The following SLCO5A1 variants were observed in gnomAD, a reference collection of about 807,000 sequenced individuals.
SLCO5A1 encodes the protein solute carrier organic anion transporter family member 5A1, also known as organic anion transporter polypeptide-related protein 4.
SLCO5A1 carries 39 observed loss-of-function variants against 65.1 expected under a neutral mutation model. The ratio of observed to expected loss-of-function variants is 0.60; its 90% CI spans 0.46 to 0.78. The LOEUF (loss-of-function observed/expected upper bound fraction) is 0.78. Ranked by LOEUF, SLCO5A1 falls within the 30% of genes least tolerant of loss-of-function variation. SLCO5A1 has a pLI of 0.00. For synonymous variants in SLCO5A1, 438 were observed against 415.7 expected, an observed-to-expected ratio of 1.05 and a Z score of -0.65; for missense variants, 1,029 against 1,069.4, an observed-to-expected ratio of 0.96 and a Z score of 0.53.
rs150121840 is a variant in SLCO5A1 at position 69,804,407 on chromosome 8, G to C, written c.907+27360C>G. Among the ~76,000 whole-genome samples, 58 of 152,150 alleles carry C rather than the reference G, an allele frequency of 3.8e-4. No homozygotes were observed. The East Asian group carries it at 9.8e-3, about 26-fold the overall frequency. On this transcript the variant is annotated intron_variant, in intron 2 of 9. Coordinates refer to ENST00000260126, the MANE Select transcript of SLCO5A1 (RefSeq NM_030958.3). Reference sequence around the variant, plus strand: ...CGGCTCACTGCAACCTCCACCTTCCGAGTTCAAGCAATTCTCCTGCCTCAG... The same window carrying C: ...CGGCTCACTGCAACCTCCACCTTCCCAGTTCAAGCAATTCTCCTGCCTCAG...
At position 69,761,812 on chromosome 8, in the gene SLCO5A1, A is replaced by C; in HGVS notation, c.971T>G (p.Ile324Ser). 6.2e-7 allele frequency: 1 copy of C among 1,614,048 alleles called. No individual in the cohort carries two copies. The change falls in exon 3 of 10, where the codon ATT becomes AGT. Residue 324 changes from isoleucine to serine, a missense_variant. This residue lies in a region of SLCO5A1 where 647 missense variants were observed against 647.5 expected (regional missense o/e 1.00). Coordinates refer to ENST00000260126, the MANE Select transcript of SLCO5A1 (RefSeq NM_030958.3). ...AVGYLLGGLL[I>S]GFYVDPRNPV... ...ATTTCTGGGATCAACATAAAAACCAATAAGAAGTCCACCTAATAAATATCC... is the reference window on the plus strand; with the variant it reads ...ATTTCTGGGATCAACATAAAAACCACTAAGAAGTCCACCTAATAAATATCC...
At chr8:69,763,614 C>CAAAAAAAAAAAA (rs770191440) in intron 2 of SLCO5A1, among the ~76,000 whole-genome samples, 1 of 13,160 alleles carries the variant, frequency 7.6e-5, no homozygotes, top group African/African-American at 2.0e-4. Flanking sequence ...AGCAAGACTC[C>CAAAAAAAAAAAA]AAAAAAAAAA....
At chr8:69,693,687 C>G (rs1243356483) in intron 6 of SLCO5A1, among the ~76,000 whole-genome samples, 1 of 152,100 alleles carries the variant, frequency 6.6e-6, no homozygotes, top group Non-Finnish European at 1.5e-5. Context: ...AGAAAAATAC[C>G]ATTAAATAGT....
intron 4 of SLCO5A1, among the ~76,000 whole-genome samples, chr8:69,740,888 C>T (rs937786209): frequency 7.2e-5 from 11 of 152,138 alleles, no homozygotes; most frequent in African/African-American, 1.2e-4. Context: ...GAGATATAGT[C>T]GGTTTTTATT....
chr8:69,728,254 A>C (rs1816176444), intron 5 of SLCO5A1, among the ~76,000 whole-genome samples: 1 of 152,202 alleles, frequency 6.6e-6, no homozygotes, highest in Admixed American at 6.5e-5. Context: ...TATGTATTTA[A>C]AAAGAAATAA....
intron 4 of SLCO5A1, among the ~76,000 whole-genome samples, chr8:69,740,292 G>T (rs979505733): frequency 6.6e-6 from 1 of 152,178 alleles, no homozygotes; most frequent in African/African-American, 2.4e-5. Flanking sequence ...CCTTTGGTTG[G>T]TGGGACTGGG....
intron 3 of SLCO5A1, 78 bp from the exon 4 acceptor site, chr8:69,755,719 G>A: frequency 2.9e-6 from 4 of 1,356,468 alleles, no homozygotes; most frequent in Non-Finnish European, 4.0e-6. Context: ...GCAGAAGTTT[G>A]TGGTGAAAAA....
At chr8:69,734,271 G>A (rs933446794) in intron 5 of SLCO5A1, among the ~76,000 whole-genome samples, 7 of 152,170 alleles carry the variant, frequency 4.6e-5, no homozygotes, top group Non-Finnish European at 8.8e-5. Context: ...TTTGCCACTA[G>A]AGTAAGCTTT....
intron 9 of SLCO5A1, among the ~76,000 whole-genome samples, chr8:69,673,966 C>T (rs1478815983): frequency 5.3e-5 from 8 of 152,166 alleles, no homozygotes; most frequent in Non-Finnish European, 7.4e-5. Flanking sequence ...ATAGTAGCTT[C>T]GTTGTCTGGG....
At chr8:69,691,636 T>G (rs777371410) in intron 6 of SLCO5A1, among the ~76,000 whole-genome samples, 2 of 152,232 alleles carry the variant, frequency 1.3e-5, no homozygotes, top group Admixed American at 1.3e-4. Context: ...GGTTCATCTA[T>G]GTTGTTGCAT....
At chr8:69,713,378 G>A (rs1003839438) in intron 5 of SLCO5A1, 2 of 152,202 alleles carry the variant, frequency 1.3e-5, no homozygotes, top group Non-Finnish European at 2.9e-5. Context: ...CTGGGCACAT[G>A]GGACGGACAA....
At chr8:69,721,989 T>C (rs62533296) in intron 5 of SLCO5A1, among the ~76,000 whole-genome samples, 1,940 of 152,162 alleles carry the variant, frequency 0.013, 21 homozygotes, top group Non-Finnish European at 0.022. Context: ...CTAGCCAACA[T>C]AGCAAAACCT....
intron 6 of SLCO5A1, among the ~76,000 whole-genome samples, chr8:69,687,985 A>G (rs1294888309): frequency 6.6e-6 from 1 of 152,098 alleles, no homozygotes; most frequent in Non-Finnish European, 1.5e-5. Context: ...TTTTAAGGGT[A>G]TATATCTTAA....
In SLCO5A1 at chr8:69,669,552, T is replaced by TGGC. The variant is rs2130779036; in HGVS notation, c.*3316_*3317insGCC. ...AAAATCAGCCGGGCATGGTGGCTCA[T>TGGC]GCCTGTAATCCCAGCACTTTGAGAG... On this transcript the variant is annotated 3_prime_UTR_variant, in exon 10 of 10. Coordinates refer to ENST00000260126, the MANE Select transcript of SLCO5A1 (RefSeq NM_030958.3). 6.6e-6 allele frequency: 1 copy of TGGC among 152,286 alleles called. No individual in the cohort carries two copies. Among genetic ancestry groups the TGGC allele is most frequent in the Non-Finnish European group, 1.5e-5 (1 of 68,026 alleles). The allele number at this position is 152,286 out of a possible 1,614,324, so 9.4% of individuals were successfully genotyped here. A position where few individuals can be genotyped will look rare whatever the true frequency, so the allele number is the denominator to read the frequency against.
chr8:69,813,513 C>T (rs963756993), intron 2 of SLCO5A1, among the ~76,000 whole-genome samples: 1 of 152,064 alleles, frequency 6.6e-6, no homozygotes, highest in African/African-American at 2.4e-5. Context: ...GTCATAATTC[C>T]CTAGAGGGGA....
At chr8:69,739,517 G>A (rs973523533) in intron 4 of SLCO5A1, among the ~76,000 whole-genome samples, 23 of 152,098 alleles carry the variant, frequency 1.5e-4, no homozygotes, top group South Asian at 4.2e-4. Flanking sequence ...ATCTCAGAAC[G>A]GTTATCTCTT....
At chr8:69,788,258 T>C (rs1456646707) in intron 2 of SLCO5A1, among the ~76,000 whole-genome samples, 1 of 152,156 alleles carries the variant, frequency 6.6e-6, no homozygotes, top group Non-Finnish European at 1.5e-5. Context: ...GAAATTTATG[T>C]TTACTCTACC....
intron 5 of SLCO5A1, among the ~76,000 whole-genome samples, chr8:69,722,501 T>A: frequency 6.6e-6 from 1 of 152,182 alleles, no homozygotes; most frequent in East Asian, 1.9e-4. Flanking sequence ...TTTATTCCCA[T>A]TTTTTGTATA....
chr8:69,791,762 A>C (rs7829910), intron 2 of SLCO5A1, among the ~76,000 whole-genome samples: 1 of 152,190 alleles, frequency 6.6e-6, no homozygotes, highest in African/African-American at 2.4e-5. Context: ...TAACTGAAGC[A>C]TTATTTCATT....
Sources: gnomAD v4.1 joint callset for allele counts (sites outside exome capture counted in the v4.1 genomes callset) on GRCh38, gnomAD v4.1.1 for gene constraint, gnomAD v4.1.1 regional missense constraint, MANE v1.5 for transcripts, NCBI Gene and HGNC (gene_info 2026-07-23, HGNC 2026-07-21) for gene names.